Variants in TEX26 observed in about 807,000 individuals in gnomAD.
TEX26 encodes testis expressed 26, also known as testis-expressed protein 26.
TEX26 carries 34 observed loss-of-function variants against 35.3 expected under a neutral mutation model. The ratio of observed to expected loss-of-function variants is 0.96; its 90% CI spans 0.73 to 1.28. The LOEUF (loss-of-function observed/expected upper bound fraction) is 1.28. Ranked by LOEUF, TEX26 falls within the 50% of genes most tolerant of loss-of-function variation. TEX26 has a pLI of 0.00. For missense variants in TEX26, 371 were observed against 330.1 expected, an observed-to-expected ratio of 1.12 and a Z score of -0.96; for synonymous variants, 136 against 111.8, an observed-to-expected ratio of 1.22 and a Z score of -1.36.
At chr13:30,954,862 A>C (rs761306457) in intron 3 of TEX26, among the ~76,000 whole-genome samples, 2 of 152,188 alleles carry the variant, frequency 1.3e-5, no homozygotes, top group African/African-American at 2.4e-5. Flanking sequence ...ACGACCATAT[A>C]ATTTTCCCTT....
chr13:30,957,102 C>G (rs1023344948), intron 4 of TEX26, 73 bp downstream of exon 4: 9 of 1,462,168 alleles, frequency 6.2e-6, no homozygotes, highest in South Asian at 2.5e-5. Context: ...CGGCAGCATG[C>G]GTGTGTTCTT....
intron 2 of TEX26, among the ~76,000 whole-genome samples, chr13:30,947,302 C>G (rs1270658824): frequency 1.3e-5 from 2 of 152,056 alleles, no homozygotes; most frequent in African/African-American, 4.8e-5. Flanking sequence ...TGAAACTGCA[C>G]TCAGCATCAA....
At chr13:30,946,805 C>T (rs1953728188) in intron 2 of TEX26, among the ~76,000 whole-genome samples, 1 of 152,002 alleles carries the variant, frequency 6.6e-6, no homozygotes, top group Non-Finnish European at 1.5e-5. Flanking sequence ...TCCTCCCCAT[C>T]CTGCATATTG....
rs1255856198 is a variant in TEX26, at chr13:30,974,851, C to T, written c.814C>T (p.Gln272Ter). 43 of 1,553,792 alleles carry T rather than the reference C, an allele frequency of 2.8e-5. No homozygotes were observed. Among genetic ancestry groups the T allele is most frequent in the Non-Finnish European group, 3.6e-5 (42 of 1,155,536 alleles). Residue 272 changes from glutamine to a stop codon, truncating the protein, a stop_gained, in exon 7 of 7, where the codon CAA becomes TAA. Transcript: ENST00000380473. LOFTEE classifies it low-confidence loss of function (END_TRUNC). Reference sequence around the variant, plus strand: ...TTTTTCTTCATACTTTTCAGATAGACAAATTATTGATCGCTTTATTCGTAC... The same window carrying T: ...TTTTTCTTCATACTTTTCAGATAGATAAATTATTGATCGCTTTATTCGTAC... Reference protein sequence around the residue: ...YLQSLSYKDRQIIDRFIRTHC... With the variant: ...YLQSLSYKDR
At chr13:30,941,308 G>A (rs1245813794) in intron 2 of TEX26, among the ~76,000 whole-genome samples, 2 of 152,138 alleles carry the variant, frequency 1.3e-5, no homozygotes, top group South Asian at 2.1e-4. Context: ...CAGTGAGTCC[G>A]TAACTGGGAA....
chr13:30,935,531 GA>G (rs1426760411), intron 1 of TEX26, among the ~76,000 whole-genome samples: 1 of 152,256 alleles, frequency 6.6e-6, no homozygotes, highest in Non-Finnish European at 1.5e-5. Context: ...CGCTGTAGAG[GA>G]GTATGCTCTC....
At chr13:30,934,749 A>G (rs1312688445) in intron 1 of TEX26, among the ~76,000 whole-genome samples, 2 of 152,118 alleles carry the variant, frequency 1.3e-5, no homozygotes, top group East Asian at 3.9e-4. Flanking sequence ...GTGCCGCTAC[A>G]GCCGCCCAAA....
rs949115657 is a variant in TEX26 at position 30,974,838 on chromosome 13, C to A, written c.809-8C>A. On this transcript the variant is annotated splice_region_variant and splice_polypyrimidine_tract_variant and intron_variant, in intron 6 of 6. Transcript: ENST00000380473. ...AATTTTCATCCTGTTTTTCTTCATA[C>A]TTTTCAGATAGACAAATTATTGATC... is the stretch of plus-strand genomic sequence containing the variant. 2 of 1,553,180 alleles carry A rather than the reference C, an allele frequency of 1.3e-6. No homozygotes were observed. The highest frequency in any genetic ancestry group is 1.3e-5 in the South Asian group (1 of 79,900).
At chr13:30,963,016 G>A (rs965599215) in intron 4 of TEX26, among the ~76,000 whole-genome samples, 1 of 151,520 alleles carries the variant, frequency 6.6e-6, no homozygotes, top group East Asian at 1.9e-4. Context: ...TTTTAGTAGG[G>A]ACGGGGTTTC....
At chr13:30,960,872 CTT>C (rs1353786839) in intron 4 of TEX26, among the ~76,000 whole-genome samples, 3 of 152,154 alleles carry the variant, frequency 2.0e-5, no homozygotes, top group African/African-American at 4.8e-5. Flanking sequence ...TTTGTGGACT[CTT>C]CTTTTTCTTA....
intron 2 of TEX26, among the ~76,000 whole-genome samples, chr13:30,946,240 T>C (rs983193350): frequency 1.3e-5 from 2 of 151,946 alleles, no homozygotes; most frequent in Admixed American, 1.3e-4. Context: ...TCTAGTCTGT[T>C]AAAACTTTCC....
At chr13:30,952,547 T>TA (rs1169062893) in intron 2 of TEX26, 113 bp from the exon 3 acceptor site, 12 of 878,038 alleles carry the variant, frequency 1.4e-5, no homozygotes, top group Non-Finnish European at 1.8e-5. Flanking sequence ...CACCAACTCT[T>TA]ATGCCAATCA....
At chr13:30,939,471 C>T (rs1183364478) in intron 1 of TEX26, among the ~76,000 whole-genome samples, 7 of 152,146 alleles carry the variant, frequency 4.6e-5, no homozygotes, top group Admixed American at 4.6e-4. Flanking sequence ...TGCATGAATG[C>T]TCAGGAGAAA....
intron 2 of TEX26, among the ~76,000 whole-genome samples, chr13:30,951,355 CAAAA>C (rs5802589): frequency 2.3e-5 from 3 of 130,878 alleles, no homozygotes; most frequent in Non-Finnish European, 3.3e-5. Flanking sequence ...GACTCTGTCT[CAAAA>C]AAAAAAAAAA....
chr13:30,959,264 C>G lies in TEX26; in HGVS notation c.469+2235C>G, dbSNP rs201292841. On this transcript the variant is annotated intron_variant, in intron 4 of 6. Coordinates refer to ENST00000380473, the MANE Select transcript of TEX26 (RefSeq NM_152325.3). ...ACAACAGTAGTTCCTTGACCTACCC[C>G]GCCCCATCCCTACTCTTATTCCTCA... Among the ~76,000 whole-genome samples the G allele has an allele frequency of 4.6e-5, 7 of 152,262 alleles. No individual in the cohort carries two copies. In the East Asian group the frequency reaches 1.4e-3, roughly 29 times the overall value.
intron 4 of TEX26, among the ~76,000 whole-genome samples, chr13:30,957,266 G>T (rs1229158761): frequency 2.6e-5 from 4 of 152,142 alleles, no homozygotes; most frequent in Non-Finnish European, 2.9e-5. Flanking sequence ...GTCAGGAAAG[G>T]CTTCCCTGCC....
At chr13:30,965,396 G>T (rs977934226) in intron 4 of TEX26, among the ~76,000 whole-genome samples, 1 of 152,188 alleles carries the variant, frequency 6.6e-6, no homozygotes, top group Admixed American at 6.5e-5. Context: ...ATTTGGAAGA[G>T]AGTTGAGTTC....
chr13:30,954,667 A>C (rs1359529765), intron 3 of TEX26, among the ~76,000 whole-genome samples: 1 of 152,028 alleles, frequency 6.6e-6, no homozygotes, highest in African/African-American at 2.4e-5. Context: ...TCTGTTTCCC[A>C]GGCTGGTCTC....
At chr13:30,940,927 G>A (rs146455087) in intron 2 of TEX26, among the ~76,000 whole-genome samples, 6 of 152,188 alleles carry the variant, frequency 3.9e-5, no homozygotes, top group Admixed American at 1.3e-4. Flanking sequence ...GACACAGCGA[G>A]GCTCTGTCTC....
Sources: gnomAD v4.1 joint callset for allele counts (sites outside exome capture counted in the v4.1 genomes callset) on GRCh38, gnomAD v4.1.1 for gene constraint, MANE v1.5 for transcripts, NCBI Gene and HGNC (gene_info 2026-07-23, HGNC 2026-07-21) for gene names.